Variants in SRGAP2 observed in about 807,000 individuals in gnomAD.
SRGAP2 encodes the protein SLIT-ROBO Rho GTPase-activating protein 2.
Under a neutral mutation model 57.2 loss-of-function variants are expected in SRGAP2, and 15 were observed. The ratio of observed to expected loss-of-function variants is 0.26; its 90% confidence interval spans 0.18 to 0.40. The LOEUF is 0.40. SRGAP2 is among the 10% of genes least tolerant of loss of function. The pLI is 1.00. For synonymous variants in SRGAP2, 249 were observed against 248.0 expected (o/e 1.00, Z -0.04); for missense variants, 520 against 669.6 (o/e 0.78, Z 2.47).
intron 5 of SRGAP2, among the ~76,000 whole-genome samples, chr1:206,391,006 T>C (rs1553350241): frequency 6.6e-6 from 1 of 152,148 alleles, no homozygotes; most frequent in African/African-American, 2.4e-5. Flanking sequence ...ACAAAGTCTT[T>C]CTAAGCTAGA....
At chr1:206,451,095 T>G (rs3930539) in intron 19 of SRGAP2, among the ~76,000 whole-genome samples, 3 of 118,374 alleles carry the variant, frequency 2.5e-5, no homozygotes, top group Admixed American at 1.2e-4. Flanking sequence ...CCAGCCTGGG[T>G]GAGAGAGTGA....
At chr1:206,259,777 A>G (rs1669434205) in intron 2 of SRGAP2, among the ~76,000 whole-genome samples, 1 of 146,322 alleles carries the variant, frequency 6.8e-6, no homozygotes, top group Admixed American at 6.8e-5. Context: ...TTTATTAAAT[A>G]TTATTAAATA....
chr1:206,455,275 C>T (rs782293972), intron 21 of SRGAP2: 15 of 534,374 alleles, frequency 2.8e-5, no homozygotes, highest in African/African-American at 3.8e-5. Flanking sequence ...TGTGTGTTCC[C>T]GCAGTGTCTG....
chr1:206,321,256 A>G lies in SRGAP2; in HGVS notation c.260+17783A>G, dbSNP rs571018840. Reference sequence around the variant, plus strand: ...TAGATTCAAGTCACACACTTTTGGCAGGAATACCATAAAATGTAATGTCAC... The same window carrying G: ...TAGATTCAAGTCACACACTTTTGGCGGGAATACCATAAAATGTAATGTCAC... On this transcript the variant is annotated intron_variant, in intron 3 of 22. Transcript: ENST00000573034. 5.1e-5 allele frequency among the ~76,000 whole-genome samples: 7 copies of G among 137,996 alleles called. No homozygotes were observed. In the East Asian group the frequency reaches 1.4e-3, roughly 28 times the overall value. 90.5% of individuals were successfully genotyped at this position (137,996 alleles called of 152,430 possible). A position where few individuals can be genotyped will look rare whatever the true frequency, so the allele number is the denominator to read the frequency against.
Position 206,392,725 on chromosome 1 carries a change from A to C in SRGAP2, c.523A>C (p.Ile175Leu). The C allele has an allele frequency of 1.3e-6, 1 of 761,574 alleles. No homozygotes were observed. The highest frequency in any genetic ancestry group is 1.4e-5 in the South Asian group (1 of 71,288). 47.2% of individuals were successfully genotyped at this position (761,574 alleles called of 1,614,324 possible). Reference sequence around the variant, plus strand: ...ATATCACATGTACAATGCCGACAGCATCAGTGCTCAGAGCAAACTAAAGGA... The same window carrying C: ...ATATCACATGTACAATGCCGACAGCCTCAGTGCTCAGAGCAAACTAAAGGA... ...KTYHMYNADS[I>L]SAQSKLKEAE... is the part of the protein sequence containing the mutation. Residue 175 changes from isoleucine to leucine, a missense_variant, in exon 6 of 23, where the codon ATC (isoleucine) becomes CTC (leucine). Transcript: ENST00000573034.
At chr1:206,325,522 T>A (rs1553329643) in intron 3 of SRGAP2, among the ~76,000 whole-genome samples, 1 of 151,532 alleles carries the variant, frequency 6.6e-6, no homozygotes, top group African/African-American at 2.4e-5. Flanking sequence ...TTTTTGTATT[T>A]TTGGTAGAGA....
chr1:206,390,908 C>T (rs1553350196), intron 5 of SRGAP2, among the ~76,000 whole-genome samples: 2 of 152,024 alleles, frequency 1.3e-5, no homozygotes, highest in Admixed American at 1.3e-4. Flanking sequence ...AATTTAGACT[C>T]TAATGTACTT....
chr1:206,215,709 T>C (rs1185184850), intron 2 of SRGAP2, among the ~76,000 whole-genome samples: 1 of 151,072 alleles, frequency 6.6e-6, no homozygotes, highest in East Asian at 2.0e-4. Flanking sequence ...CCTTCCCTGC[T>C]CCCCTGTGCG....
chr1:206,426,580 T>C (rs911322321), intron 13 of SRGAP2, among the ~76,000 whole-genome samples: 3 of 152,248 alleles, frequency 2.0e-5, no homozygotes, highest in Non-Finnish European at 4.4e-5. Context: ...GCTGTTCTAA[T>C]TTATATTCCT....
intron 2 of SRGAP2, among the ~76,000 whole-genome samples, chr1:206,276,677 C>G (rs1464952635): frequency 2.6e-5 from 4 of 152,138 alleles, no homozygotes; most frequent in African/African-American, 9.7e-5. Flanking sequence ...GCCTGAAATC[C>G]TTTCCGGGGT....
intron 2 of SRGAP2, among the ~76,000 whole-genome samples, chr1:206,230,111 G>A (rs1553306567): frequency 6.6e-6 from 1 of 152,108 alleles, no homozygotes; most frequent in Non-Finnish European, 1.5e-5. Flanking sequence ...TTGTCCCTTC[G>A]TAAACTGATC....
At chr1:206,397,790 CT>C (rs1420425401) in intron 7 of SRGAP2, among the ~76,000 whole-genome samples, 4 of 134,628 alleles carry the variant, frequency 3.0e-5, no homozygotes, top group Admixed American at 2.9e-4. Context: ...TCATGCATAG[CT>C]GGAGTGTTGT....
At position 206,438,087 on chromosome 1, in the gene SRGAP2, T is replaced by C; in HGVS notation, c.1757T>C (p.Met586Thr). ...LFPKDIFHDL[M>T]ACVTMDNLQE... ...CCCAAGGACATCTTTCATGACCTGA[T>C]GGCCTGCGTCAGTAAGTACCATTCT... is the stretch of plus-strand genomic sequence containing the variant. Residue 586 changes from methionine to threonine, a missense_variant, in exon 16 of 23, where the codon ATG (methionine) becomes ACG (threonine). Transcript: ENST00000573034. 1 of 780,820 alleles carries C rather than the reference T, an allele frequency of 1.3e-6. No individual in the cohort carries two copies. Among genetic ancestry groups the C allele is most frequent in the Non-Finnish European group, 2.4e-6 (1 of 417,920 alleles). The allele number at this position is 780,820 out of a possible 1,614,324, so 48.4% of individuals were successfully genotyped here.
At chr1:206,357,387 C>G (rs745974439) in intron 4 of SRGAP2, among the ~76,000 whole-genome samples, 1 of 150,984 alleles carries the variant, frequency 6.6e-6, no homozygotes, top group Non-Finnish European at 1.5e-5. Context: ...CTTTTTTATA[C>G]ACATTTTTTT....
chr1:206,205,116 C>G (rs1464045715), intron 1 of SRGAP2: 13 of 152,198 alleles, frequency 8.5e-5, no homozygotes, highest in African/African-American at 3.1e-4. Context: ...TCGGGCTGGC[C>G]GCTGCCCAGC....
chr1:206,390,043 A>T (rs1656780219), intron 5 of SRGAP2, among the ~76,000 whole-genome samples: 1 of 143,704 alleles, frequency 7.0e-6, no homozygotes. Context: ...CTTGACTATA[A>T]ATATATATTT....
At chr1:206,349,533 C>T (rs1435567998) in intron 4 of SRGAP2, among the ~76,000 whole-genome samples, 2 of 149,272 alleles carry the variant, frequency 1.3e-5, no homozygotes, top group African/African-American at 4.9e-5. Flanking sequence ...AAAAGAGGTC[C>T]ATATTCTAAC....
chr1:206,449,029 A>G (rs567985332), intron 18 of SRGAP2, among the ~76,000 whole-genome samples: 2 of 152,210 alleles, frequency 1.3e-5, no homozygotes, highest in South Asian at 4.2e-4. Flanking sequence ...GAGGGTTCCA[A>G]GGTGGAAACT....
At position 206,454,884 on chromosome 1, in the gene SRGAP2, C is replaced by G. The variant is rs782560820; in HGVS notation, c.2367C>G (p.Asp789Glu). The G allele has an allele frequency of 2.6e-6, 2 of 766,246 alleles. No homozygotes were observed. The highest frequency in any genetic ancestry group is 4.9e-6 in the Non-Finnish European group (2 of 409,128). The allele number at this position is 766,246 out of a possible 1,614,324, so 47.5% of individuals were successfully genotyped here. The part of the protein sequence containing the change: ...HQYIVVQDTE[D>E]GVVERSSPKS... ...CCTGCCCCTTCTCCCCCAGCGAGGA[C>G]GGTGTCGTGGAGAGGTCCAGCCCCA... The change falls in exon 21 of 23, where the codon GAC becomes GAG. Residue 789 changes from aspartate to glutamate, a missense_variant. Around this residue, in one of 5 missense-constraint regions of SRGAP2, gnomAD observed 478 missense variants for 373.6 expected, o/e 1.28. Coordinates refer to ENST00000573034, the MANE Select transcript of SRGAP2 (RefSeq NM_015326.5). This position sits in a 1 kb window ranked among gnomAD's most constrained non-coding sequence, Gnocchi z 4.3.
Sources: allele counts gnomAD v4.1 joint callset (sites outside exome capture counted in the v4.1 genomes callset), GRCh38; gene constraint gnomAD v4.1.1; regional missense constraint gnomAD v4.1.1; non-coding constraint Gnocchi (gnomAD v3.1); transcripts MANE v1.5; gene names NCBI Gene and HGNC (gene_info 2026-07-23, HGNC 2026-07-21).